The following SLC17A2 variants were observed in gnomAD, a reference collection of about 807,000 sequenced individuals.
The protein encoded by SLC17A2 is solute carrier family 17 member 2.
In SLC17A2, 38 loss-of-function variants were observed where a neutral mutation model predicts 52.1. The ratio of observed to expected loss-of-function variants is 0.73; its 90% CI spans 0.56 to 0.96. The LOEUF is 0.96. Among genes scored for constraint, SLC17A2 ranks in the 40% least tolerant of loss-of-function variants. SLC17A2 has a pLI of 0.00. For synonymous variants in SLC17A2, 226 were observed against 211.9 expected, an observed-to-expected ratio of 1.07 and a Z score of -0.58; for missense variants, 508 against 583.9, an observed-to-expected ratio of 0.87 and a Z score of 1.34.
At position 25,917,093 on chromosome 6, in the gene SLC17A2, A is replaced by T; in HGVS notation, c.650-6T>A. 6.2e-7 allele frequency: 1 copy of T among 1,608,194 alleles called. No individual in the cohort carries two copies. The highest frequency in any genetic ancestry group is 8.5e-7 in the Non-Finnish European group (1 of 1,174,852). ...GCAGACACAGCCAGTGCTACCTGGG[A>T]AGAAGGGATAAAATTAGTTTTTAGG... is the stretch of plus-strand genomic sequence containing the variant. On this transcript the variant is annotated splice_region_variant and splice_polypyrimidine_tract_variant and intron_variant, in intron 6 of 11. Coordinates refer to ENST00000377850, the MANE Select transcript of SLC17A2 (RefSeq NM_001286123.3).
chr6:25,928,948 A>G (rs1766857999), intron 1 of SLC17A2, among the ~76,000 whole-genome samples: 1 of 152,232 alleles, frequency 6.6e-6, no homozygotes, highest in Non-Finnish European at 1.5e-5. Flanking sequence ...TTGACACAGT[A>G]TAGGTTGAAT....
chr6:25,919,502 T>C (rs1380504885), intron 5 of SLC17A2, among the ~76,000 whole-genome samples: 1 of 151,306 alleles, frequency 6.6e-6, no homozygotes, highest in Non-Finnish European at 1.5e-5. Context: ...GGTCAGGAGA[T>C]TGAGACCATC....
rs776564427 is a variant in SLC17A2 at position 25,923,772 on chromosome 6, A to G, written c.163T>C (p.Ser55Pro). 1 of 1,614,194 alleles carries G rather than the reference A, an allele frequency of 6.2e-7. No individual in the cohort carries two copies. ...ACAGGCCCCTCAGTGGAGGCATTAG[A>G]TAGACCTTGCTGCTGAGTGGTGTTC... ...MVNTTQQQGL[S>P]NASTEGPVAD... The change falls in exon 3 of 12, where the codon TCT becomes CCT. Residue 55 changes from serine to proline, a missense_variant. Transcript: ENST00000377850.
chr6:25,916,578 A>C (rs1766325441), intron 8 of SLC17A2, 107 bp downstream of exon 8: 1 of 896,794 alleles, frequency 1.1e-6, no homozygotes, highest in East Asian at 2.5e-5. Flanking sequence ...GTCATTGTGA[A>C]GGTTAAATTA....
chr6:25,930,018 A>G (rs943037941), intron 1 of SLC17A2, among the ~76,000 whole-genome samples: 2 of 152,168 alleles, frequency 1.3e-5, no homozygotes, highest in African/African-American at 4.8e-5. Flanking sequence ...GGGTTTCACC[A>G]TGTTGGCCAG....
Position 25,917,084 on chromosome 6 carries a change from C to T in SLC17A2, c.653G>A (p.Ser218Asn). 1 of 1,612,426 alleles carries T rather than the reference C, an allele frequency of 6.2e-7. No individual in the cohort carries two copies. Among genetic ancestry groups the T allele is most frequent in the African/African-American group, 1.3e-5 (1 of 75,032 alleles). The change falls in exon 7 of 12, where the codon AGC (serine) becomes AAC (asparagine). Residue 218 changes from serine to asparagine, a missense_variant. By Grantham distance (46) the Ser-to-Asn change is conservative (BLOSUM62 1). Coordinates refer to ENST00000377850, the MANE Select transcript of SLC17A2 (RefSeq NM_001286123.3). The stretch of plus-strand genomic sequence containing the variant: ...TAGGAGACAGCAGACACAGCCAGTG[C>T]TACCTGGGAAGAAGGGATAAAATTA... ...SWPFIFYIFGSTGCVCCLLWF... is the reference protein window; with the variant it reads ...SWPFIFYIFGNTGCVCCLLWF...
chr6:25,925,933 A>G, intron 1 of SLC17A2, 54 bp from the exon 2 acceptor site: 2 of 928,888 alleles, frequency 2.2e-6, no homozygotes, highest in South Asian at 1.3e-5. Context: ...CCCCTTGTTA[A>G]TGTTGCCTCC....
chr6:25,916,238 A>C (rs1766312866), intron 8 of SLC17A2, among the ~76,000 whole-genome samples: 1 of 152,042 alleles, frequency 6.6e-6, no homozygotes, highest in South Asian at 2.1e-4. Flanking sequence ...CTGCCACCAC[A>C]CCTGGCTAAT....
chr6:25,916,654 A>T, intron 8 of SLC17A2, 31 bp downstream of exon 8: 1 of 1,570,130 alleles, frequency 6.4e-7, no homozygotes. Flanking sequence ...TACCATTATC[A>T]TTTTCGTAGA....
chr6:25,919,327 G>GA (rs975729945), intron 5 of SLC17A2, among the ~76,000 whole-genome samples: 5 of 151,334 alleles, frequency 3.3e-5, no homozygotes, highest in Admixed American at 3.3e-4. Flanking sequence ...ACTGAAATTT[G>GA]AAAAAAAAGA....
intron 3 of SLC17A2, among the ~76,000 whole-genome samples, chr6:25,922,389 TG>T (rs1178254495): frequency 6.6e-6 from 1 of 152,240 alleles, no homozygotes; most frequent in African/African-American, 2.4e-5. Context: ...TTGTAGCATT[TG>T]GAAGAAACTA....
At chr6:25,914,892 A>C (rs1766241451) in intron 10 of SLC17A2, among the ~76,000 whole-genome samples, 1 of 151,778 alleles carries the variant, frequency 6.6e-6, no homozygotes, top group Non-Finnish European at 1.5e-5. Context: ...TCTGGGAACC[A>C]CGTTTCTTTA....
At chr6:25,914,855 T>A (rs541137053) in intron 10 of SLC17A2, among the ~76,000 whole-genome samples, 185 bp from the exon 11 acceptor site, 96 of 152,014 alleles carry the variant, frequency 6.3e-4, no homozygotes, top group Non-Finnish European at 1.1e-3. Flanking sequence ...ATCTACCAAG[T>A]CAATAACCAG....
chr6:25,921,609 G>A (rs574776754), intron 3 of SLC17A2, among the ~76,000 whole-genome samples, 197 bp from the exon 4 acceptor site: 50 of 152,048 alleles, frequency 3.3e-4, no homozygotes, highest in Non-Finnish European at 6.0e-4. Context: ...AAAAACAGAA[G>A]AAATGAAGAA....
intron 10 of SLC17A2, 66 bp from the exon 11 acceptor site, chr6:25,914,736 A>C (rs1250561911): frequency 5.1e-6 from 5 of 979,922 alleles, no homozygotes; most frequent in Non-Finnish European, 8.0e-6. Context: ...GCAGCAACTC[A>C]ACTTTAATGC....
At position 25,915,870 on chromosome 6, in the gene SLC17A2, T is replaced by TGAAG; in HGVS notation, c.931-6_931-3dup. 1 of 1,613,156 alleles carries TGAAG rather than the reference T, an allele frequency of 6.2e-7. No individual in the cohort carries two copies. The highest frequency in any genetic ancestry group is 8.5e-7 in the Non-Finnish European group (1 of 1,179,722). On this transcript the variant is annotated splice_polypyrimidine_tract_variant and splice_region_variant and intron_variant, in intron 8 of 11. Transcript: ENST00000377850. ...AGGCAGGGAGGACAGAACTCCACTC[T>TGAAG]GAAGGAAGGAAGTTTATACAGAGTA...
chr6:25,915,660 ACATGCTGTCAGGGAACCCTCTGAGAC>A lies in SLC17A2; in HGVS notation c.1064-40_1064-15del. On this transcript the variant is annotated splice_polypyrimidine_tract_variant and intron_variant, in intron 9 of 11. Coordinates refer to ENST00000377850, the MANE Select transcript of SLC17A2 (RefSeq NM_001286123.3). ...GAAGGAGGAGCCCTGGGCAATGAGG[ACATGCTGTCAGGGAACCCTCTGAGAC>A]CATGTGCAGAAAAGGGATTGGTTAA... 1 of 1,613,656 alleles carries A rather than the reference ACATGCTGTCAGGGAACCCTCTGAGAC, an allele frequency of 6.2e-7. No individual in the cohort carries two copies. Among genetic ancestry groups the A allele is most frequent in the South Asian group, 1.1e-5 (1 of 90,994 alleles).
At chr6:25,922,612 A>G (rs886928128) in intron 3 of SLC17A2, among the ~76,000 whole-genome samples, 2 of 152,234 alleles carry the variant, frequency 1.3e-5, no homozygotes, top group East Asian at 3.9e-4. Context: ...GACTGGAGAC[A>G]ATAAATTTAT....
At chr6:25,918,423 G>A (rs1766410531) in intron 6 of SLC17A2, 64 bp downstream of exon 6, 2 of 976,422 alleles carry the variant, frequency 2.0e-6, no homozygotes, top group South Asian at 1.3e-5. Context: ...AATGTGGGTG[G>A]TGTAGGTGCC....
Sources: gnomAD v4.1 joint callset for allele counts (sites outside exome capture counted in the v4.1 genomes callset) on GRCh38, gnomAD v4.1.1 for gene constraint, MANE v1.5 for transcripts, NCBI Gene and HGNC (gene_info 2026-07-23, HGNC 2026-07-21) for gene names.